Variants in LIN9 observed in about 807,000 individuals in gnomAD.
LIN9 encodes protein lin-9 homolog.
A neutral mutation model predicts 78.0 loss-of-function variants in LIN9; 18 were observed. That is an observed-to-expected ratio of 0.23 (90% CI 0.16 to 0.34). The LOEUF is 0.34. Ranked by LOEUF, LIN9 falls within the 10% of genes least tolerant of loss-of-function variation. LIN9 has a pLI of 1.00. For synonymous variants in LIN9, 192 were observed against 215.2 expected, an observed-to-expected ratio of 0.89 and a Z score of 0.94; for missense variants, 451 against 644.1, an observed-to-expected ratio of 0.70 and a Z score of 3.25.
intron 11 of LIN9, among the ~76,000 whole-genome samples, chr1:226,245,551 G>T (rs10799341): frequency 0.67 from 101,840 of 151,782 alleles, 34,325 homozygotes; most frequent in East Asian, 0.7. Flanking sequence ...GTCTCCTGAG[G>T]AGCTGGAACT....
chr1:226,247,312 G>A (rs1314875471), intron 11 of LIN9, among the ~76,000 whole-genome samples: 1 of 151,952 alleles, frequency 6.6e-6, no homozygotes, highest in African/African-American at 2.4e-5. Flanking sequence ...GTCTACAGTT[G>A]ATTTTCTTTT....
At chr1:226,270,074 C>T (rs553160825) in intron 7 of LIN9, among the ~76,000 whole-genome samples, 4 of 152,114 alleles carry the variant, frequency 2.6e-5, no homozygotes, top group Non-Finnish European at 5.9e-5. Flanking sequence ...AAGTGCCCGC[C>T]ACCACACCCG....
At chr1:226,289,893 T>C (rs1025538813) in intron 4 of LIN9, among the ~76,000 whole-genome samples, 11 of 136,630 alleles carry the variant, frequency 8.1e-5, no homozygotes, top group South Asian at 4.8e-4. Flanking sequence ...CATCCCTTAC[T>C]GCAAAATAAA....
chr1:226,295,042 G>A (rs1662055476), intron 4 of LIN9, among the ~76,000 whole-genome samples: 2 of 151,884 alleles, frequency 1.3e-5, no homozygotes, highest in African/African-American at 4.8e-5. Context: ...CTCAAGTGAT[G>A]CACTCACCTT....
intron 11 of LIN9, among the ~76,000 whole-genome samples, chr1:226,245,432 C>CTT (rs1558158886): frequency 1.4e-5 from 2 of 139,546 alleles, no homozygotes; most frequent in South Asian, 2.3e-4. Context: ...CTTTTTTCCC[C>CTT]CCCCCCAAGA....
At chr1:226,295,286 C>A (rs1662072639) in intron 4 of LIN9, among the ~76,000 whole-genome samples, 1 of 151,656 alleles carries the variant, frequency 6.6e-6, no homozygotes, top group Non-Finnish European at 1.5e-5. Context: ...CCCGTCTCTA[C>A]TAAAATATAA....
chr1:226,277,716 A>G, intron 7 of LIN9, 59 bp downstream of exon 7: 1 of 1,455,102 alleles, frequency 6.9e-7, no homozygotes, highest in South Asian at 1.2e-5. Context: ...AAGAAACAAA[A>G]AAGATTACCT....
At chr1:226,260,214 C>G (rs1659476599) in intron 10 of LIN9, among the ~76,000 whole-genome samples, 1 of 152,148 alleles carries the variant, frequency 6.6e-6, no homozygotes, top group South Asian at 2.1e-4. Flanking sequence ...AAACAGATAG[C>G]ACCAGGCCCA....
chr1:226,273,400 C>T (rs1052431465), intron 7 of LIN9, among the ~76,000 whole-genome samples: 2 of 151,474 alleles, frequency 1.3e-5, no homozygotes, highest in Admixed American at 1.3e-4. Context: ...AGGAGCACAA[C>T]ACACCTGACC....
chr1:226,237,581 G>A (rs1007850237), intron 12 of LIN9, among the ~76,000 whole-genome samples: 10 of 146,264 alleles, frequency 6.8e-5, no homozygotes, highest in African/African-American at 1.8e-4. Flanking sequence ...GCAGTGGGCC[G>A]AGATGATGCC....
chr1:226,241,290 G>A (rs1019127344), intron 11 of LIN9, among the ~76,000 whole-genome samples: 2 of 152,026 alleles, frequency 1.3e-5, no homozygotes, highest in African/African-American at 4.8e-5. Context: ...GGGAATTGGG[G>A]GTTACTGAGG....
At chr1:226,240,848 C>G (rs1270778502) in intron 11 of LIN9, among the ~76,000 whole-genome samples, 1 of 152,140 alleles carries the variant, frequency 6.6e-6, no homozygotes, top group African/African-American at 2.4e-5. Context: ...CTATGCCTGG[C>G]TAATGTTCTA....
chr1:226,249,935 C>T (rs1002219645), intron 11 of LIN9, among the ~76,000 whole-genome samples: 4 of 152,052 alleles, frequency 2.6e-5, no homozygotes, highest in Admixed American at 6.6e-5. Context: ...CCTGTAATCC[C>T]GAGGTGGGTG....
chr1:226,257,800 G>A (rs1317006797), intron 10 of LIN9, among the ~76,000 whole-genome samples: 2 of 151,934 alleles, frequency 1.3e-5, no homozygotes, highest in East Asian at 3.9e-4. Context: ...TAATAAACAC[G>A]GTAGATATTT....
chr1:226,239,015 C>A lies in LIN9; in HGVS notation c.1201G>T (p.Asp401Tyr). The A allele has an allele frequency of 6.2e-7, 1 of 1,613,680 alleles. No individual in the cohort carries two copies. The highest frequency in any genetic ancestry group is 1.1e-5 in the South Asian group (1 of 91,048). ...IVLELEQLNK[D>Y]LNKVLHKVQQ... is the part of the protein sequence containing the mutation. ...ACTTTATGCAAAACTTTGTTTAGGTCCTTGTTCAGCTGTTCAAGCTCCAGA... is the reference window on the plus strand; with the variant it reads ...ACTTTATGCAAAACTTTGTTTAGGTACTTGTTCAGCTGTTCAAGCTCCAGA... Residue 401 changes from aspartate to tyrosine, a missense_variant, in exon 12 of 15, where the codon GAC (aspartate) becomes TAC (tyrosine). Coordinates refer to ENST00000681046, the MANE Select transcript of LIN9 (RefSeq NM_001366245.2).
At chr1:226,279,164 G>A (rs1660876347) in intron 6 of LIN9, among the ~76,000 whole-genome samples, 2 of 151,074 alleles carry the variant, frequency 1.3e-5, no homozygotes, top group African/African-American at 4.9e-5. Flanking sequence ...CCGTCTTGGG[G>A]GAAAAAAAAA....
intron 12 of LIN9, among the ~76,000 whole-genome samples, chr1:226,238,166 A>G (rs1309002119): frequency 6.6e-6 from 1 of 152,186 alleles, no homozygotes; most frequent in African/African-American, 2.4e-5. Context: ...CCTGTTATCT[A>G]TGTATTTGAA....
chr1:226,301,758 G>A (rs1277769768), intron 1 of LIN9, among the ~76,000 whole-genome samples: 1 of 152,140 alleles, frequency 6.6e-6, no homozygotes, highest in Non-Finnish European at 1.5e-5. Context: ...GGGTCCACTG[G>A]ATAAAACAAA....
intron 10 of LIN9, among the ~76,000 whole-genome samples, chr1:226,262,006 G>A (rs961917802): frequency 1.4e-4 from 21 of 152,196 alleles, no homozygotes; most frequent in African/African-American, 4.8e-4. Flanking sequence ...AAAGGCAGTT[G>A]CGCAACAAAT....
Sources: allele counts gnomAD v4.1 joint callset (sites outside exome capture counted in the v4.1 genomes callset), GRCh38; gene constraint gnomAD v4.1.1; transcripts MANE v1.5; gene names NCBI Gene and HGNC (gene_info 2026-07-23, HGNC 2026-07-21).